The following MOBP variants were observed in gnomAD, a reference collection of about 807,000 sequenced individuals.
MOBP encodes myelin-associated oligodendrocyte basic protein.
MOBP carries 5 observed loss-of-function variants against 15.0 expected under a neutral mutation model. The ratio of observed to expected loss-of-function variants is 0.33; its 90% CI spans 0.17 to 0.70. The LOEUF is 0.70. MOBP is among the 30% of genes least tolerant of loss of function. The pLI is 0.67. For missense variants in MOBP, 188 were observed against 257.8 expected (o/e 0.73, Z 1.85); for synonymous variants, 88 against 99.0 (o/e 0.89, Z 0.66).
At chr3:39,520,677 C>T (rs2043256199), downstream of MOBP, among the ~76,000 whole-genome samples, 1 of 152,054 alleles carries the variant, frequency 6.6e-6, no homozygotes, top group Non-Finnish European at 1.5e-5. Flanking sequence ...CTTTCTACCG[C>T]TTCTTGTGTT....
intron 2 of MOBP, among the ~76,000 whole-genome samples, chr3:39,493,054 C>A (rs1281901700): frequency 6.6e-6 from 1 of 152,178 alleles, no homozygotes; most frequent in Non-Finnish European, 1.5e-5. Flanking sequence ...ATTTTCTTTC[C>A]TTTCCAGAGG....
intron 2 of MOBP, chr3:39,499,964 C>G (rs1008321923): frequency 2.2e-6 from 1 of 454,016 alleles, no homozygotes; most frequent in African/African-American, 2.0e-5. Flanking sequence ...GCCCTCTCTT[C>G]TGTGGACTTT....
chr3:39,524,552 T>C (rs1468534011), exon 5 of MOBP: 1 of 152,100 alleles, frequency 6.6e-6, no homozygotes, highest in Non-Finnish European at 1.5e-5. Context: ...AAATCAAGTA[T>C]TGGCAAAGAT....
exon 5 of MOBP, chr3:39,513,474 T>C: frequency 6.4e-7 from 1 of 1,558,160 alleles, no homozygotes; most frequent in Non-Finnish European, 8.8e-7. Flanking sequence ...GACTCATTGC[T>C]TCACAACCCA....
intron 4 of MOBP, among the ~76,000 whole-genome samples, chr3:39,511,367 CAGTCTTTATAATTT>C (rs2043116878): frequency 6.6e-6 from 1 of 152,194 alleles, no homozygotes; most frequent in Admixed American, 6.5e-5. Flanking sequence ...GCTATGTGGG[CAGTCTTTATAATTT>C]AACCTTTCAA....
Position 39,502,915 on chromosome 3 carries a change from G to A in MOBP, c.*35G>A, listed in dbSNP as rs577100303. 1.0e-6 allele frequency: 1 copy of A among 952,958 alleles called. No individual in the cohort carries two copies. Among genetic ancestry groups the A allele is most frequent in the East Asian group, 2.6e-5 (1 of 37,894 alleles). The allele number at this position is 952,958 out of a possible 1,614,324, so 59.0% of individuals were successfully genotyped here. A position where few individuals can be genotyped will look rare whatever the true frequency, so the allele number is the denominator to read the frequency against. ...TTCCCTTTTGTTCCCCAGCCCTAAG[G>A]TTAGTAGTTGCTTCCTGTGTTTACT... On this transcript the variant is annotated 3_prime_UTR_variant, in exon 4 of 4. Transcript: ENST00000684792. The surrounding 1 kb of genome is among the most constrained non-coding windows in gnomAD (Gnocchi z 6.3).
chr3:39,481,567 C>G lies in MOBP; in HGVS notation c.-5+1444C>G, dbSNP rs544913266. Among the ~76,000 whole-genome samples the G allele has an allele frequency of 3.3e-5, 5 of 152,310 alleles. No homozygotes were observed. The East Asian group carries it at 9.6e-4, about 29-fold the overall frequency. On this transcript the variant is annotated intron_variant, in intron 2 of 3. Transcript: ENST00000684792. ...TCATTACTACAAACAGCTCAACAAACCAGCCAAACATCTCCCTCTGCCCCC... is the reference window on the plus strand; with the variant it reads ...TCATTACTACAAACAGCTCAACAAAGCAGCCAAACATCTCCCTCTGCCCCC...
At chr3:39,498,279 A>C (rs2042914850) in intron 2 of MOBP, among the ~76,000 whole-genome samples, 1 of 152,222 alleles carries the variant, frequency 6.6e-6, no homozygotes, top group African/African-American at 2.4e-5. Flanking sequence ...CAGGTACCCC[A>C]ACTAAGTGCT....
At chr3:39,507,018 G>T (rs1327427181), downstream of MOBP, among the ~76,000 whole-genome samples, 3 of 152,126 alleles carry the variant, frequency 2.0e-5, no homozygotes, top group African/African-American at 7.2e-5. Flanking sequence ...TCTTGTGAGT[G>T]CTTCCTTTTC....
intron 2 of MOBP, among the ~76,000 whole-genome samples, chr3:39,500,632 T>G (rs990329730): frequency 2.0e-5 from 3 of 152,050 alleles, no homozygotes; most frequent in African/African-American, 7.2e-5. Context: ...CACAGTGGGG[T>G]GCACTGATGA....
chr3:39,503,101 G>A (rs1017449708), downstream of MOBP: 6 of 485,780 alleles, frequency 1.2e-5, no homozygotes, highest in African/African-American at 2.0e-5. Context: ...CATTGCTTCC[G>A]TTGTCTAATA....
intron 3 of MOBP, among the ~76,000 whole-genome samples, chr3:39,523,165 T>C (rs2043290810): frequency 6.6e-6 from 1 of 152,198 alleles, no homozygotes; most frequent in Non-Finnish European, 1.5e-5. Context: ...AAAATTGCTT[T>C]CACAAAACAA....
intron 3 of MOBP, among the ~76,000 whole-genome samples, chr3:39,522,628 C>T (rs1020789176): frequency 4.6e-5 from 7 of 152,134 alleles, no homozygotes; most frequent in African/African-American, 1.7e-4. Flanking sequence ...CTAGAAATGT[C>T]CCATTTTTGT....
chr3:39,470,762 A>T (rs1042750284), intron 1 of MOBP, among the ~76,000 whole-genome samples: 1 of 152,218 alleles, frequency 6.6e-6, no homozygotes, highest in African/African-American at 2.4e-5. Flanking sequence ...TAATAAAAAG[A>T]TCTTCCTAGT....
At chr3:39,481,151 C>T (rs879609728) in intron 2 of MOBP, among the ~76,000 whole-genome samples, 1 of 152,166 alleles carries the variant, frequency 6.6e-6, no homozygotes, top group Non-Finnish European at 1.5e-5. Context: ...ATGTCTACAC[C>T]CAGGCTGCTA....
chr3:39,477,426 T>A (rs2042559019), intron 1 of MOBP, among the ~76,000 whole-genome samples: 1 of 151,896 alleles, frequency 6.6e-6, no homozygotes, highest in South Asian at 2.1e-4. Flanking sequence ...AACACATTAC[T>A]CATCTGTTTG....
At chr3:39,519,454 A>T (rs1216290185), downstream of MOBP, among the ~76,000 whole-genome samples, 1 of 150,566 alleles carries the variant, frequency 6.6e-6, no homozygotes, top group Non-Finnish European at 1.5e-5. Context: ...TTTTTCTTCC[A>T]GCTGATGCCT....
At position 39,496,660 on chromosome 3, in the gene MOBP, A is replaced by AT. The variant is rs59233045; in HGVS notation, c.-4-5395dup. Reference sequence around the variant, plus strand: ...AGGCTCCCACCACCACGCCCGGCTAATTTTTTTTTTTCTTTTTTTTGAGAC... The same window carrying AT: ...AGGCTCCCACCACCACGCCCGGCTAATTTTTTTTTTTTCTTTTTTTTGAGAC... On this transcript the variant is annotated intron_variant, in intron 2 of 3. Coordinates refer to ENST00000684792, the MANE Select transcript of MOBP (RefSeq NM_001393704.1). 1.1e-4 allele frequency among the ~76,000 whole-genome samples: 16 copies of AT among 143,282 alleles called. 1 individual carries two copies. In the East Asian group the frequency reaches 1.5e-3, roughly 13 times the overall value. The allele number at this position is 143,282 out of a possible 152,430, so 94.0% of individuals were successfully genotyped here.
At chr3:39,485,691 C>T (rs867289186) in intron 2 of MOBP, among the ~76,000 whole-genome samples, 3 of 152,220 alleles carry the variant, frequency 2.0e-5, no homozygotes, top group Non-Finnish European at 2.9e-5. Context: ...GCGTTCCTCT[C>T]ACCAAGTGCG....
Sources: allele counts gnomAD v4.1 joint callset (sites outside exome capture counted in the v4.1 genomes callset), GRCh38; gene constraint gnomAD v4.1.1; non-coding constraint Gnocchi (gnomAD v3.1); transcripts MANE v1.5; gene names NCBI Gene and HGNC (gene_info 2026-07-23, HGNC 2026-07-21).